The following SLC20A2 variants were observed in gnomAD, a reference collection of about 807,000 sequenced individuals.
SLC20A2 encodes the protein sodium-dependent phosphate transporter 2.
Under a neutral mutation model 61.0 loss-of-function variants are expected in SLC20A2, and 30 were observed. That is an observed-to-expected ratio of 0.49 (90% confidence interval 0.37 to 0.67). The LOEUF (loss-of-function observed/expected upper bound fraction) is 0.67. Ranked by LOEUF, SLC20A2 falls within the 30% of genes least tolerant of loss-of-function variation. The pLI is 0.00. For missense variants in SLC20A2, 626 were observed against 866.4 expected (o/e 0.72, Z 3.48); for synonymous variants, 351 against 353.3 (o/e 0.99, Z 0.07).
intron 1 of SLC20A2, among the ~76,000 whole-genome samples, chr8:42,531,051 T>C (rs1005318780): frequency 3.9e-5 from 6 of 152,178 alleles, no homozygotes; most frequent in Non-Finnish European, 8.8e-5. Flanking sequence ...TCTCCTGTAA[T>C]AGCTGCTACA....
chr8:42,428,094 C>T (rs1391576863), intron 10 of SLC20A2, among the ~76,000 whole-genome samples: 2 of 152,062 alleles, frequency 1.3e-5, no homozygotes, highest in Admixed American at 6.6e-5. Context: ...TCTGGTCCTC[C>T]CCACCCTGGC....
intron 2 of SLC20A2, 31 bp from the exon 3 acceptor site, chr8:42,465,948 T>C (rs572468737): frequency 1.9e-6 from 3 of 1,595,764 alleles, no homozygotes; most frequent in East Asian, 2.2e-5. Flanking sequence ...AACCATCAGA[T>C]ACAGAGTACA....
At chr8:42,487,136 A>G (rs1809079011) in intron 1 of SLC20A2, among the ~76,000 whole-genome samples, 1 of 144,666 alleles carries the variant, frequency 6.9e-6, no homozygotes, top group African/African-American at 2.6e-5. Context: ...AAGTGCTGGG[A>G]TTACAGGTGT....
intron 5 of SLC20A2, among the ~76,000 whole-genome samples, chr8:42,458,949 C>A (rs1010339729): frequency 1.4e-5 from 2 of 140,914 alleles, no homozygotes; most frequent in Non-Finnish European, 3.1e-5. Flanking sequence ...AACCCCCCCC[C>A]CCACAAAAAA....
rs896497666 is a variant in SLC20A2 at position 42,522,660 on chromosome 8, G to A, written c.-265+19161C>T. ...CGTGCCACTGCACTCCAGCCTGGGC[G>A]ACAGAGCAGGACTCCATCTCAAAAA... On this transcript the variant is annotated intron_variant, in intron 1 of 10. Transcript: ENST00000342228. Among the ~76,000 whole-genome samples the A allele has an allele frequency of 6.2e-5, 7 of 113,142 alleles. 2 individuals are homozygous for A. In the East Asian group the frequency reaches 8.3e-4, roughly 13 times the overall value. 74.2% of individuals were successfully genotyped at this position (113,142 alleles called of 152,430 possible). A position where few individuals can be genotyped will look rare whatever the true frequency, so the allele number is the denominator to read the frequency against.
chr8:42,502,073 C>G (rs1331567028), upstream of SLC20A2, among the ~76,000 whole-genome samples: 1 of 152,132 alleles, frequency 6.6e-6, no homozygotes, highest in Non-Finnish European at 1.5e-5. Context: ...ATATTTTGCT[C>G]TTATTGAACA....
chr8:42,533,694 C>G lies in SLC20A2; in HGVS notation c.-265+8127G>C, dbSNP rs567458453. On this transcript the variant is annotated intron_variant, in intron 1 of 10. Transcript: ENST00000342228. ...TTTTTTTTGAGACGGGAGTCTTACT[C>G]TGTCGCCCAGGCTGGAGTGCAGTGG... Among the ~76,000 whole-genome samples the G allele has an allele frequency of 1.8e-3, 79 of 43,002 alleles. No individual in the cohort carries two copies. The East Asian group carries it at 0.049, about 26-fold the overall frequency. 28.2% of individuals were successfully genotyped at this position (43,002 alleles called of 152,430 possible). A position where few individuals can be genotyped will look rare whatever the true frequency, so the allele number is the denominator to read the frequency against.
intron 1 of SLC20A2, among the ~76,000 whole-genome samples, chr8:42,489,773 A>T (rs1586188072): frequency 6.6e-6 from 1 of 152,196 alleles, no homozygotes; most frequent in Non-Finnish European, 1.5e-5. Flanking sequence ...TAGCCTGCGG[A>T]GTTTCACCCT....
intron 1 of SLC20A2, among the ~76,000 whole-genome samples, chr8:42,531,509 T>C (rs1252345324): frequency 2.0e-5 from 3 of 152,284 alleles, no homozygotes; most frequent in Admixed American, 6.5e-5. Context: ...ATTATAATAA[T>C]TAAATGACAG....
intron 1 of SLC20A2, among the ~76,000 whole-genome samples, chr8:42,481,004 A>T (rs2131272182): frequency 6.6e-6 from 1 of 152,216 alleles, no homozygotes; most frequent in African/African-American, 2.4e-5. Context: ...TCAGTCACAA[A>T]GAGTCTTTCT....
chr8:42,417,847 C>T lies in SLC20A2; in HGVS notation c.1915G>A (p.Ala639Thr). The T allele has an allele frequency of 6.2e-7, 1 of 1,614,178 alleles. No individual in the cohort carries two copies. Among genetic ancestry groups the T allele is most frequent in the Non-Finnish European group, 8.5e-7 (1 of 1,180,026 alleles). ...TVPVAGLFSA[A>T]VMALLMYGIL... is the part of the protein sequence containing the mutation. ...CCATACATGAGAAGAGCCATGACAG[C>T]AGCGCTGAACAGCCCAGCCACAGGG... Residue 639 changes from alanine to threonine, a missense_variant, in exon 11 of 11, where the codon GCT becomes ACT. This residue lies in a region of SLC20A2 where 138 missense variants were observed against 228.7 expected (regional missense o/e 0.60). Transcript: ENST00000520262.
chr8:42,504,697 T>C (rs1810530509), upstream of SLC20A2, among the ~76,000 whole-genome samples: 1 of 150,228 alleles, frequency 6.7e-6, no homozygotes. Flanking sequence ...CAAAAAAAAT[T>C]AGCCAGGCAT....
At chr8:42,520,068 T>C (rs1401079600) in intron 1 of SLC20A2, among the ~76,000 whole-genome samples, 2 of 147,422 alleles carry the variant, frequency 1.4e-5, no homozygotes, top group African/African-American at 2.5e-5. Context: ...GGCTGGAGTG[T>C]AGTGACATGA....
chr8:42,503,121 A>C (rs562468522), upstream of SLC20A2, among the ~76,000 whole-genome samples: 1 of 152,322 alleles, frequency 6.6e-6, no homozygotes, highest in South Asian at 2.1e-4. Flanking sequence ...CTGCTGTTTC[A>C]ACAGCAGCCA....
chr8:42,429,951 GTGACCCGC>G, intron 9 of SLC20A2, 105 bp downstream of exon 9: 1 of 851,822 alleles, frequency 1.2e-6, no homozygotes. Context: ...CCTCCTCCCT[GTGACCCGC>G]TGCCAACTGC....
At chr8:42,441,749 G>C (rs1804800861) in intron 6 of SLC20A2, among the ~76,000 whole-genome samples, 3 of 151,848 alleles carry the variant, frequency 2.0e-5, no homozygotes, top group Admixed American at 2.0e-4. Flanking sequence ...TTATAGTCGT[G>C]TGCCACTGCG....
At chr8:42,517,002 C>A (rs1377816669) in intron 1 of SLC20A2, among the ~76,000 whole-genome samples, 2 of 152,176 alleles carry the variant, frequency 1.3e-5, no homozygotes, top group Admixed American at 6.5e-5. Flanking sequence ...CACCACCCCC[C>A]AAGCATTTCT....
chr8:42,465,332 T>C (rs754055221), intron 3 of SLC20A2, among the ~76,000 whole-genome samples: 3 of 151,888 alleles, frequency 2.0e-5, no homozygotes, highest in Non-Finnish European at 2.9e-5. Context: ...GCTGGGATTA[T>C]AGGCGTGAGC....
At chr8:42,463,164 T>A in intron 3 of SLC20A2, 74 bp from the exon 4 acceptor site, 1 of 845,540 alleles carries the variant, frequency 1.2e-6, no homozygotes, top group Non-Finnish European at 1.9e-6. Flanking sequence ...TAGAACACAA[T>A]GATAAACAAA....
Sources: gnomAD v4.1 joint callset for allele counts (sites outside exome capture counted in the v4.1 genomes callset) on GRCh38, gnomAD v4.1.1 for gene constraint, gnomAD v4.1.1 regional missense constraint, MANE v1.5 for transcripts, NCBI Gene and HGNC (gene_info 2026-07-23, HGNC 2026-07-21) for gene names.